The following IGDCC3 variants were observed in gnomAD, a reference collection of about 807,000 sequenced individuals.
IGDCC3 encodes immunoglobulin superfamily DCC subclass member 3, also known as putative neuronal cell adhesion molecule.
IGDCC3 carries 47 observed loss-of-function variants against 72.0 expected under a neutral mutation model. The observed-to-expected ratio is 0.65, with a 90% CI of 0.52 to 0.83. The LOEUF (loss-of-function observed/expected upper bound fraction) is 0.83, where lower values mean the gene tolerates loss of function less well. Ranked by LOEUF, IGDCC3 falls within the 40% of genes least tolerant of loss-of-function variation. IGDCC3 has a pLI of 0.00. For synonymous variants in IGDCC3, 477 were observed against 472.8 expected, an observed-to-expected ratio of 1.01 and a Z score of -0.11; for missense variants, 1,038 against 1,091.3, an observed-to-expected ratio of 0.95 and a Z score of 0.69.
At chr15:65,360,384 T>C (rs943059081) in intron 2 of IGDCC3, among the ~76,000 whole-genome samples, 9 of 152,220 alleles carry the variant, frequency 5.9e-5, no homozygotes, top group African/African-American at 2.2e-4. Context: ...TTCTATGTAA[T>C]ATCATTATGG....
intron 2 of IGDCC3, among the ~76,000 whole-genome samples, chr15:65,362,940 C>T (rs1437920569): frequency 6.6e-6 from 1 of 150,600 alleles, no homozygotes; most frequent in Admixed American, 6.6e-5. Flanking sequence ...CTGCAGCCTC[C>T]GCCTCCCGGG....
rs1005925152 is a variant in IGDCC3 at position 65,339,849 on chromosome 15, G to A, written c.410-3893C>T. 1.3e-5 allele frequency among the ~76,000 whole-genome samples: 2 copies of A among 152,196 alleles called. No homozygotes were observed. The highest frequency in any genetic ancestry group is 4.8e-5 in the African/African-American group (2 of 41,444). ...CCTGCGGATATCTGTTGGTCTGGTA[G>A]GGACAGTTTTGGGTCCCTCACTTCA... On this transcript the variant is annotated intron_variant, in intron 2 of 13. Coordinates refer to ENST00000327987, the MANE Select transcript of IGDCC3 (RefSeq NM_004884.4). This position sits in a 1 kb window ranked among gnomAD's most constrained non-coding sequence, Gnocchi z 4.1.
chr15:65,333,018 G>GCCCCCGGAGGGC (rs113561484), intron 6 of IGDCC3, among the ~76,000 whole-genome samples: 1 of 151,954 alleles, frequency 6.6e-6, no homozygotes, highest in South Asian at 2.1e-4. Context: ...GGTATTGACG[G>GCCCCCGGAGGGC]ACCCGGAGGG....
At chr15:65,345,858 G>T (rs932973268) in intron 2 of IGDCC3, among the ~76,000 whole-genome samples, 13 of 152,180 alleles carry the variant, frequency 8.5e-5, no homozygotes, top group African/African-American at 3.1e-4. Flanking sequence ...CACACAGCCA[G>T]TCCGTGGTGT....
intron 1 of IGDCC3, among the ~76,000 whole-genome samples, chr15:65,376,566 G>C (rs890586596): frequency 6.6e-6 from 1 of 152,228 alleles, no homozygotes; most frequent in Non-Finnish European, 1.5e-5. Context: ...AGAAAGGAGG[G>C]GCGTTGGGGT....
chr15:65,329,000 G>T lies in IGDCC3; in HGVS notation c.2354C>A (p.Pro785His). The change falls in exon 14 of 14, where the codon CCC (proline) becomes CAC (histidine). Residue 785 changes from proline (P) to histidine (H), a missense_variant. Coordinates refer to ENST00000327987, the MANE Select transcript of IGDCC3 (RefSeq NM_004884.4). ...PCAGLAAAPP[P>H]PDGGPGLLSE... is the part of the protein sequence containing the mutation. ...GAGGAGGCCAGGGCCTCCATCTGGGGGTGGTGGGGCAGCCGCCAGGCCGGC... is the reference window on the plus strand; with the variant it reads ...GAGGAGGCCAGGGCCTCCATCTGGGTGTGGTGGGGCAGCCGCCAGGCCGGC... The T allele has an allele frequency of 1.2e-6, 2 of 1,611,508 alleles. No homozygotes were observed. Among genetic ancestry groups the T allele is most frequent in the African/African-American group, 2.7e-5 (2 of 74,984 alleles).
In IGDCC3 at chr15:65,329,965, C is replaced by A. The variant is rs1174098438; in HGVS notation, c.1859-101G>T. On this transcript the variant is annotated intron_variant, in intron 11 of 13. Transcript: ENST00000327987. The surrounding 1 kb of genome is among the most constrained non-coding windows in gnomAD (Gnocchi z 4.1). The stretch of plus-strand genomic sequence containing the variant: ...CCTCTTCCTTCAGCTGCTCCCACTC[C>A]CAAGTGGGAGTGGGAACATCCTTTG... 7.7e-7 allele frequency: 1 copy of A among 1,304,248 alleles called. No individual in the cohort carries two copies. The highest frequency in any genetic ancestry group is 2.3e-5 in the East Asian group (1 of 43,186). 80.8% of individuals were successfully genotyped at this position (1,304,248 alleles called of 1,614,324 possible).
intron 5 of IGDCC3, among the ~76,000 whole-genome samples, chr15:65,333,960 C>G (rs1170096131): frequency 6.6e-6 from 1 of 152,176 alleles, no homozygotes; most frequent in Non-Finnish European, 1.5e-5. Context: ...GCCACTCTTT[C>G]CAGCCTCTCC....
intron 9 of IGDCC3, 106 bp downstream of exon 9, chr15:65,330,944 G>A: frequency 1.5e-6 from 2 of 1,358,284 alleles, no homozygotes; most frequent in East Asian, 4.7e-5. Flanking sequence ...CAGCCTCAGG[G>A]CCGGGCACCC....
rs141267136 is a variant in IGDCC3 at position 65,366,053 on chromosome 15, C to A, written c.409+9044G>T. On this transcript the variant is annotated intron_variant, in intron 2 of 13. Transcript: ENST00000327987. Reference sequence around the variant, plus strand: ...TGAAACCCAGTATCCACTAAAAATACAAAAATTGGCTGGGCGTGGTGGCAG... The same window carrying A: ...TGAAACCCAGTATCCACTAAAAATAAAAAAATTGGCTGGGCGTGGTGGCAG... 3.9e-4 allele frequency among the ~76,000 whole-genome samples: 59 copies of A among 152,094 alleles called. No homozygotes were observed. The East Asian group carries it at 8.1e-3, about 21-fold the overall frequency.
At chr15:65,346,267 C>T (rs1232418411) in intron 2 of IGDCC3, among the ~76,000 whole-genome samples, 2 of 152,042 alleles carry the variant, frequency 1.3e-5, no homozygotes, top group Admixed American at 1.3e-4. Flanking sequence ...TTGAGTACTT[C>T]CAACTCTGCC....
chr15:65,364,615 A>G (rs1490017206), intron 2 of IGDCC3, among the ~76,000 whole-genome samples: 2 of 152,150 alleles, frequency 1.3e-5, no homozygotes, highest in South Asian at 4.1e-4. Context: ...GGGCCGGGGC[A>G]GTGGCTCACA....
intron 2 of IGDCC3, among the ~76,000 whole-genome samples, chr15:65,359,227 T>C (rs563877101): frequency 6.6e-6 from 1 of 152,300 alleles, no homozygotes; most frequent in South Asian, 2.1e-4. Flanking sequence ...ATGAGTATAA[T>C]AATGAGAGTA....
At chr15:65,368,888 C>T (rs2091306012) in intron 2 of IGDCC3, among the ~76,000 whole-genome samples, 1 of 152,050 alleles carries the variant, frequency 6.6e-6, no homozygotes, top group African/African-American at 2.4e-5. Flanking sequence ...GAGAGAGAAA[C>T]AGAGGAGAGA....
At chr15:65,330,835 AGCCCTCT>A (rs747555546) in intron 9 of IGDCC3, 94 bp from the exon 10 acceptor site, 17 of 1,196,398 alleles carry the variant, frequency 1.4e-5, no homozygotes, top group African/African-American at 3.0e-5. Flanking sequence ...AAAGCCTGAC[AGCCCTCT>A]GGCCTCTGGC....
At chr15:65,357,492 A>C (rs1369287775) in intron 2 of IGDCC3, among the ~76,000 whole-genome samples, 1 of 152,226 alleles carries the variant, frequency 6.6e-6, no homozygotes, top group East Asian at 1.9e-4. Flanking sequence ...GCCCATAGCC[A>C]AACCCTTGCA....
chr15:65,339,059 C>T lies in IGDCC3; in HGVS notation c.410-3103G>A, dbSNP rs947665645. On this transcript the variant is annotated intron_variant, in intron 2 of 13. Transcript: ENST00000327987. This position sits in a 1 kb window ranked among gnomAD's most constrained non-coding sequence, Gnocchi z 4.1. ...CTGGGACCACAAGCGCGCACCACCA[C>T]GCCCAGCTAATTTTTTAATTTCTTT... 2.6e-5 allele frequency among the ~76,000 whole-genome samples: 4 copies of T among 151,932 alleles called. No individual in the cohort carries two copies. Among genetic ancestry groups the T allele is most frequent in the Non-Finnish European group, 5.9e-5 (4 of 67,994 alleles).
At position 65,328,966 on chromosome 15, in the gene IGDCC3, G is replaced by A. The variant is rs1206499278; in HGVS notation, c.2388C>T (p.Gly796=). Residue 796 remains glycine (G), a synonymous_variant, in exon 14 of 14, where the codon GGC becomes GGT. Transcript: ENST00000327987. ...GGGCCGCTGCAGGCCTGGAAGCCTG[G>A]CCTTCACTGAGGAGGCCAGGGCCTC... is the stretch of plus-strand genomic sequence containing the variant. ...PDGGPGLLSE[G]QASRPAAARV... The A allele has an allele frequency of 1.3e-6, 2 of 1,593,614 alleles. No individual in the cohort carries two copies. The highest frequency in any genetic ancestry group is 2.7e-5 in the African/African-American group (2 of 73,968).
intron 2 of IGDCC3, among the ~76,000 whole-genome samples, chr15:65,362,350 C>T (rs1342268762): frequency 6.6e-6 from 1 of 152,126 alleles, no homozygotes; most frequent in Non-Finnish European, 1.5e-5. Flanking sequence ...AGCAGCTTCT[C>T]CTGGAAGTGG....
Sources: allele counts gnomAD v4.1 joint callset (sites outside exome capture counted in the v4.1 genomes callset), GRCh38; gene constraint gnomAD v4.1.1; non-coding constraint Gnocchi (gnomAD v3.1); transcripts MANE v1.5; gene names NCBI Gene and HGNC (gene_info 2026-07-23, HGNC 2026-07-21).